Variants in PKD1L1 observed in about 807,000 individuals in gnomAD.
PKD1L1 encodes polycystin-1-like protein 1.
In PKD1L1, 236 loss-of-function variants were observed where a neutral mutation model predicts 323.4. The ratio of observed to expected loss-of-function variants is 0.73; its 90% CI spans 0.66 to 0.81. The LOEUF is 0.81. PKD1L1 is among the 40% of genes least tolerant of loss of function. The probability of loss-of-function intolerance (pLI) is 0.00; values close to 1 mark genes in which losing one functional copy is unlikely to be tolerated. For missense variants in PKD1L1, 3,320 were observed against 3,508.0 expected, an observed-to-expected ratio of 0.95 and a Z score of 1.35; for synonymous variants, 1,344 against 1,335.0, an observed-to-expected ratio of 1.01 and a Z score of -0.15.
chr7:47,915,147 A>T (rs1184411679), intron 8 of PKD1L1, among the ~76,000 whole-genome samples: 3 of 152,242 alleles, frequency 2.0e-5, no homozygotes, highest in Non-Finnish European at 4.4e-5. Context: ...TTATCTGAGG[A>T]ATGCAAACCT....
chr7:47,828,019 A>C (rs1785270872), intron 44 of PKD1L1, among the ~76,000 whole-genome samples: 1 of 152,208 alleles, frequency 6.6e-6, no homozygotes, highest in South Asian at 2.1e-4. Flanking sequence ...CTGAGGAACC[A>C]GAGACAGTCC....
rs1375643051 is a variant in PKD1L1 at position 47,829,899 on chromosome 7, G to A, written c.6558+141C>T. The A allele has an allele frequency of 3.5e-6, 3 of 849,742 alleles. No homozygotes were observed. The East Asian group carries it at 7.9e-5, about 22-fold the overall frequency. The allele number at this position is 849,742 out of a possible 1,614,324, so 52.6% of individuals were successfully genotyped here. A position where few individuals can be genotyped will look rare whatever the true frequency, so the allele number is the denominator to read the frequency against. On this transcript the variant is annotated intron_variant, in intron 43 of 56. Transcript: ENST00000289672. Reference sequence around the variant, plus strand: ...CCATGTGCAGCTTAGCACAGAGCCTGGCTCCTGGTTCTCTCCAACCACAGC... The same window carrying A: ...CCATGTGCAGCTTAGCACAGAGCCTAGCTCCTGGTTCTCTCCAACCACAGC...
intron 31 of PKD1L1, among the ~76,000 whole-genome samples, chr7:47,848,472 T>A (rs1340521112): frequency 2.0e-5 from 3 of 152,222 alleles, no homozygotes; most frequent in Non-Finnish European, 2.9e-5. Context: ...TGCATGGGCT[T>A]ATTTTCCCAA....
intron 52 of PKD1L1, among the ~76,000 whole-genome samples, chr7:47,804,637 A>G (rs1584954549): frequency 6.6e-6 from 1 of 151,576 alleles, no homozygotes; most frequent in Non-Finnish European, 1.5e-5. Flanking sequence ...AGTGGCTATT[A>G]TTATTATTTT....
intron 52 of PKD1L1, among the ~76,000 whole-genome samples, chr7:47,804,149 A>G (rs1350794554): frequency 1.3e-5 from 2 of 152,264 alleles, no homozygotes; most frequent in South Asian, 4.1e-4. Flanking sequence ...TAATTGGGAC[A>G]AAGTCAACAA....
chr7:47,827,372 T>A lies in PKD1L1; in HGVS notation c.6832A>T (p.Ser2278Cys). 1.2e-6 allele frequency: 2 copies of A among 1,612,768 alleles called. No homozygotes were observed. Among genetic ancestry groups the A allele is most frequent in the Non-Finnish European group, 1.7e-6 (2 of 1,179,536 alleles). Reference protein sequence around the residue: ...RGTRQRMRRESRTRAALRDIS... With the variant: ...RGTRQRMRRECRTRAALRDIS... ...CACCTCAGGGCAGCCCGTGTGCGAC[T>A]CTCTCTCCTCATCCTCTGTCTGGTG... Residue 2278 changes from serine (S) to cysteine (C), a missense_variant, in exon 45 of 57, where the codon AGT (serine) becomes TGT (cysteine). Transcript: ENST00000289672.
Position 47,829,404 on chromosome 7 carries a change from T to C in PKD1L1, c.6735+21A>G, listed in dbSNP as rs371342640. The stretch of plus-strand genomic sequence containing the variant: ...TAGTTTTTTAAATCTCAATTTGCAC[T>C]GCATAGGTAATTTTTTTTACTTTTT... On this transcript the variant is annotated intron_variant, in intron 44 of 56. Transcript: ENST00000289672. 1.1e-5 allele frequency: 17 copies of C among 1,576,462 alleles called. No individual in the cohort carries two copies. In the African/African-American group the frequency reaches 2.2e-4, roughly 20 times the overall value.
the PKD1L1 span, among the ~76,000 whole-genome samples, chr7:47,956,439 C>G: frequency 4.6e-5 from 7 of 152,156 alleles, no homozygotes; most frequent in African/African-American, 1.7e-4. Context: ...AGTCAACAAA[C>G]AAATCACAGA....
At chr7:47,819,728 A>C (rs948618445) in intron 46 of PKD1L1, 10 of 435,904 alleles carry the variant, frequency 2.3e-5, no homozygotes, top group Non-Finnish European at 3.3e-5. Context: ...TTACCTTACG[A>C]GTGGGTCACA....
In PKD1L1 at chr7:47,827,336, A is replaced by T. The variant is rs199740456; in HGVS notation, c.6854+14T>A. ...GGAGTGGAGCAAGCCCTCCCGACAGAAGCCGCCACCCACCTCAGGGCAGCC... is the reference window on the plus strand; with the variant it reads ...GGAGTGGAGCAAGCCCTCCCGACAGTAGCCGCCACCCACCTCAGGGCAGCC... On this transcript the variant is annotated intron_variant, in intron 45 of 56. Coordinates refer to ENST00000289672, the MANE Select transcript of PKD1L1 (RefSeq NM_138295.5). 45 of 1,593,766 alleles carry T rather than the reference A, an allele frequency of 2.8e-5. No individual in the cohort carries two copies. The East Asian group carries it at 9.3e-4, about 33-fold the overall frequency.
chr7:47,886,760 T>C (rs1786693973), intron 17 of PKD1L1, among the ~76,000 whole-genome samples: 1 of 152,180 alleles, frequency 6.6e-6, no homozygotes, highest in Admixed American at 6.5e-5. Flanking sequence ...CTGTACAGTC[T>C]GCAGAACCAT....
chr7:47,912,492 G>T (rs1261469799), intron 8 of PKD1L1, among the ~76,000 whole-genome samples: 2 of 152,108 alleles, frequency 1.3e-5, no homozygotes, highest in African/African-American at 4.8e-5. Context: ...TTAGACACGT[G>T]CTGGCAAAGC....
In PKD1L1 at chr7:47,829,553, G is replaced by T. The variant is rs1785301999; in HGVS notation, c.6607C>A (p.His2203Asn). ...TCACATAAAGACTCAGTAAAAAAGT[G>T]GTTGTCAGCTCTTCTTTTCCAAGCA... ...GFAWKRRADN[H>N]FFTESLCEAT... is the part of the protein sequence containing the mutation. The change falls in exon 44 of 57, where the codon CAC becomes AAC. Residue 2203 changes from histidine (H) to asparagine (N), a missense_variant. Physicochemically the swap from His to Asn is moderately conservative, Grantham distance 68. Coordinates refer to ENST00000289672, the MANE Select transcript of PKD1L1 (RefSeq NM_138295.5). The T allele has an allele frequency of 3.7e-6, 6 of 1,613,378 alleles. No homozygotes were observed. Among genetic ancestry groups the T allele is most frequent in the South Asian group, 1.1e-5 (1 of 90,850 alleles).
rs1239807046 is a variant in PKD1L1 at position 47,946,163 on chromosome 7, C to T, written c.44+2234G>A. ...CTTCCTCTTAGTTAACTGTGACTGTCGGGGAACAGGATGATACTGATGGCT... is the reference window on the plus strand; with the variant it reads ...CTTCCTCTTAGTTAACTGTGACTGTTGGGGAACAGGATGATACTGATGGCT... On this transcript the variant is annotated intron_variant, in intron 1 of 56. Coordinates refer to ENST00000289672, the MANE Select transcript of PKD1L1 (RefSeq NM_138295.5). This position sits in a 1 kb window ranked among gnomAD's most constrained non-coding sequence, Gnocchi z 4.1. Among the ~76,000 whole-genome samples, 5 of 152,058 alleles carry T rather than the reference C, an allele frequency of 3.3e-5. No homozygotes were observed. The highest frequency in any genetic ancestry group is 7.4e-5 in the Non-Finnish European group (5 of 68,018).
chr7:47,901,480 G>A (rs989895769), intron 13 of PKD1L1, among the ~76,000 whole-genome samples: 4 of 152,134 alleles, frequency 2.6e-5, no homozygotes, highest in South Asian at 4.1e-4. Flanking sequence ...GAGTCAGGAC[G>A]GGAGCCAGAG....
chr7:47,775,010 A>G lies in PKD1L1; in HGVS notation c.*133T>C, dbSNP rs1417512665. 8 of 912,380 alleles carry G rather than the reference A, an allele frequency of 8.8e-6. No homozygotes were observed. The highest frequency in any genetic ancestry group is 2.5e-5 in the East Asian group (1 of 40,258). 56.5% of individuals were successfully genotyped at this position (912,380 alleles called of 1,614,324 possible). A position where few individuals can be genotyped will look rare whatever the true frequency, so the allele number is the denominator to read the frequency against. On this transcript the variant is annotated 3_prime_UTR_variant, in exon 57 of 57. Coordinates refer to ENST00000289672, the MANE Select transcript of PKD1L1 (RefSeq NM_138295.5). ...GGTTTCCCATTTACTTGTTACGTGA[A>G]CTGGAAAAATTAACAAAACTTCTTC...
intron 1 of PKD1L1, 118 bp downstream of exon 1, chr7:47,948,279 C>T: frequency 8.6e-7 from 1 of 1,167,346 alleles, no homozygotes; most frequent in South Asian, 1.3e-5. Flanking sequence ...TGGTACAGGG[C>T]CTCCACTCGT....
intron 25 of PKD1L1, among the ~76,000 whole-genome samples, chr7:47,865,493 C>CCTCAGCA (rs1418862983): frequency 3.9e-5 from 6 of 152,178 alleles, no homozygotes; most frequent in Admixed American, 3.9e-4. Context: ...CCCTAGACAT[C>CCTCAGCA]CTCAGCACAC....
At chr7:47,832,845 GA>G (rs1254400390) in intron 41 of PKD1L1, among the ~76,000 whole-genome samples, 2 of 151,990 alleles carry the variant, frequency 1.3e-5, no homozygotes, top group African/African-American at 4.9e-5. Flanking sequence ...AAAAGGTTAT[GA>G]GTGTATTATT....
Sources: allele counts gnomAD v4.1 joint callset (sites outside exome capture counted in the v4.1 genomes callset), GRCh38; gene constraint gnomAD v4.1.1; non-coding constraint Gnocchi (gnomAD v3.1); transcripts MANE v1.5; gene names NCBI Gene and HGNC (gene_info 2026-07-23, HGNC 2026-07-21).